Variants in TMEM232 observed in about 807,000 individuals in gnomAD.
TMEM232 encodes transmembrane protein 232.
TMEM232 carries 80 observed loss-of-function variants against 78.8 expected under a neutral mutation model. The ratio of observed to expected loss-of-function variants is 1.01; its 90% confidence interval spans 0.85 to 1.22. The LOEUF (loss-of-function observed/expected upper bound fraction) is 1.22, where lower values mean the gene tolerates loss of function less well. Ranked by LOEUF, TMEM232 falls within the 50% of genes most tolerant of loss-of-function variation. The pLI is 0.00. For synonymous variants in TMEM232, 297 were observed against 254.3 expected, an observed-to-expected ratio of 1.17 and a Z score of -1.60; for missense variants, 881 against 742.2, an observed-to-expected ratio of 1.19 and a Z score of -2.17.
At chr5:110,418,096 G>C (rs913733402), downstream of TMEM232, 19 of 152,170 alleles carry the variant, frequency 1.2e-4, no homozygotes, top group African/African-American at 4.6e-4. Flanking sequence ...TGATTCCATG[G>C]CTCCAAATGT....
chr5:110,453,950 TAAGAA>T (rs1760598123), intron 12 of TMEM232, among the ~76,000 whole-genome samples: 1 of 152,024 alleles, frequency 6.6e-6, no homozygotes, highest in Non-Finnish European at 1.5e-5. Context: ...ATCAATTCAC[TAAGAA>T]AAGAAAAACA....
intron 2 of TMEM232, among the ~76,000 whole-genome samples, chr5:110,655,646 G>A (rs1193458876): frequency 2.7e-5 from 4 of 149,730 alleles, no homozygotes; most frequent in Non-Finnish European, 4.4e-5. Flanking sequence ...GCAAAGACTT[G>A]GAACCAACCC....
intron 1 of TMEM232, among the ~76,000 whole-genome samples, chr5:110,736,800 G>C (rs1799217843): frequency 6.6e-6 from 1 of 151,824 alleles, no homozygotes; most frequent in Non-Finnish European, 1.5e-5. Flanking sequence ...GGCTTTGCAA[G>C]ATCTGGCACC....
chr5:110,523,475 T>G (rs6594457), intron 12 of TMEM232, among the ~76,000 whole-genome samples: 11,423 of 152,154 alleles, frequency 0.075, 832 homozygotes, highest in African/African-American at 0.19. Flanking sequence ...AAATTTAGGT[T>G]GTTTATTTGA....
intron 1 of TMEM232, among the ~76,000 whole-genome samples, chr5:110,714,815 G>A (rs1156257828): frequency 2.0e-5 from 3 of 152,128 alleles, no homozygotes; most frequent in Non-Finnish European, 4.4e-5. Context: ...AAAATATGGT[G>A]CCTTTCCTTA....
chr5:110,649,040 T>C (rs1161078569), intron 2 of TMEM232, among the ~76,000 whole-genome samples: 2 of 152,116 alleles, frequency 1.3e-5, no homozygotes, highest in Non-Finnish European at 2.9e-5. Flanking sequence ...TGGCCTATAA[T>C]AATCATATTA....
chr5:110,492,971 TGC>T (rs1765271144), intron 12 of TMEM232, among the ~76,000 whole-genome samples: 1 of 151,872 alleles, frequency 6.6e-6, no homozygotes. Context: ...AAACAAGATG[TGC>T]TATGATTGAT....
chr5:110,512,715 A>T (rs1767962192), intron 12 of TMEM232, among the ~76,000 whole-genome samples: 1 of 152,214 alleles, frequency 6.6e-6, no homozygotes, highest in Admixed American at 6.5e-5. Context: ...CATAAGCTCA[A>T]CAATCCCCCT....
chr5:110,483,010 G>A (rs1279774730), intron 12 of TMEM232, among the ~76,000 whole-genome samples: 1 of 152,160 alleles, frequency 6.6e-6, no homozygotes, highest in East Asian at 1.9e-4. Context: ...AGGCTGTATA[G>A]TACTACATAA....
At chr5:110,523,141 A>T (rs1318227516) in intron 12 of TMEM232, among the ~76,000 whole-genome samples, 1 of 152,026 alleles carries the variant, frequency 6.6e-6, no homozygotes, top group Non-Finnish European at 1.5e-5. Flanking sequence ...GGTAGGTTTT[A>T]TGTTTCTAGG....
intron 11 of TMEM232, among the ~76,000 whole-genome samples, chr5:110,562,080 A>G (rs1775815366): frequency 6.6e-6 from 1 of 152,134 alleles, no homozygotes; most frequent in South Asian, 2.1e-4. Flanking sequence ...TGAGTTCCAA[A>G]GCAATAATTC....
chr5:110,707,414 A>C (rs753862852), intron 1 of TMEM232, among the ~76,000 whole-genome samples: 7 of 152,214 alleles, frequency 4.6e-5, no homozygotes, highest in Non-Finnish European at 7.3e-5. Flanking sequence ...GTGGATAACA[A>C]AGCTCTGCTG....
intron 10 of TMEM232, among the ~76,000 whole-genome samples, chr5:110,570,494 A>G (rs1464437138): frequency 2.0e-5 from 3 of 152,010 alleles, no homozygotes; most frequent in Non-Finnish European, 4.4e-5. Context: ...ATGGTCATTG[A>G]TATAACAATC....
At chr5:110,718,367 T>C (rs1797234026) in intron 1 of TMEM232, among the ~76,000 whole-genome samples, 1 of 152,150 alleles carries the variant, frequency 6.6e-6, no homozygotes, top group Non-Finnish European at 1.5e-5. Context: ...AATATTAAAT[T>C]GCAAAATTAT....
intron 12 of TMEM232, among the ~76,000 whole-genome samples, chr5:110,470,972 A>G (rs1447030922): frequency 1.3e-5 from 2 of 152,208 alleles, no homozygotes; most frequent in Non-Finnish European, 2.9e-5. Flanking sequence ...ACAAGATAAT[A>G]CAGATAGACA....
At chr5:110,534,376 A>G (rs1352685679) in intron 11 of TMEM232, among the ~76,000 whole-genome samples, 2 of 152,210 alleles carry the variant, frequency 1.3e-5, no homozygotes, top group Non-Finnish European at 2.9e-5. Flanking sequence ...CACCTCACCA[A>G]GCTCAGCTAC....
chr5:110,462,917 T>C (rs1156479306), intron 12 of TMEM232, among the ~76,000 whole-genome samples: 1 of 152,214 alleles, frequency 6.6e-6, no homozygotes, highest in African/African-American at 2.4e-5. Flanking sequence ...TTGCTTCTTA[T>C]GGATGAGCAA....
intron 12 of TMEM232, among the ~76,000 whole-genome samples, chr5:110,425,631 CCGACAGT>C (rs1757144376): frequency 6.6e-6 from 1 of 151,938 alleles, no homozygotes; most frequent in Non-Finnish European, 1.5e-5. Context: ...TTCTTGACAC[CCGACAGT>C]CCCCTCATTT....
At chr5:110,394,559 T>C (rs1755318743) in intron 3 of TMEM232, among the ~76,000 whole-genome samples, 1 of 152,232 alleles carries the variant, frequency 6.6e-6, no homozygotes, top group Admixed American at 6.5e-5. Flanking sequence ...CAACAGCTTT[T>C]GTAGACACTT....
Sources: allele counts gnomAD v4.1 joint callset (sites outside exome capture counted in the v4.1 genomes callset), GRCh38; gene constraint gnomAD v4.1.1; transcripts MANE v1.5; gene names NCBI Gene and HGNC (gene_info 2026-07-23, HGNC 2026-07-21).